The following FYN variants were observed in gnomAD, a reference collection of about 807,000 sequenced individuals.
FYN encodes FYN proto-oncogene, Src family tyrosine kinase.
Under a neutral mutation model 70.2 loss-of-function variants are expected in FYN, and 10 were observed. The ratio of observed to expected loss-of-function variants is 0.14; its 90% CI spans 0.09 to 0.24. The LOEUF is 0.24. Ranked by LOEUF, FYN falls within the 10% of genes least tolerant of loss-of-function variation. FYN has a pLI of 1.00. For missense variants in FYN, 319 were observed against 673.1 expected (o/e 0.47, Z 5.82); for synonymous variants, 236 against 248.6 (o/e 0.95, Z 0.48).
chr6:111,822,111 C>A (rs1233304094), intron 2 of FYN, among the ~76,000 whole-genome samples: 1 of 152,110 alleles, frequency 6.6e-6, no homozygotes, highest in Non-Finnish European at 1.5e-5. Context: ...ACCATTTGAC[C>A]CAGCCATCCC....
intron 3 of FYN, among the ~76,000 whole-genome samples, chr6:111,753,369 T>C (rs551732157): frequency 5.1e-4 from 77 of 152,232 alleles, no homozygotes; most frequent in Non-Finnish European, 9.7e-4. Flanking sequence ...AAGTGAATTA[T>C]AATATTTAAG....
rs142476716 is a variant in FYN, at chr6:111,707,866, T to C, written c.443+56A>G. ...CCTGCCCAATGCTGATGGCATTTTATTGCGGCAATCAACTTTTAAAATCAA... is the reference window on the plus strand; with the variant it reads ...CCTGCCCAATGCTGATGGCATTTTACTGCGGCAATCAACTTTTAAAATCAA... On this transcript the variant is annotated intron_variant, in intron 6 of 13. Transcript: ENST00000354650. The C allele has an allele frequency of 2.0e-4, 276 of 1,347,436 alleles. 3 individuals are homozygous for C. The East Asian group carries it at 5.6e-3, about 27-fold the overall frequency. The allele number at this position is 1,347,436 out of a possible 1,614,324, so 83.5% of individuals were successfully genotyped here. A position where few individuals can be genotyped will look rare whatever the true frequency, so the allele number is the denominator to read the frequency against.
At chr6:111,788,815 T>C (rs1445933254) in intron 2 of FYN, among the ~76,000 whole-genome samples, 1 of 152,112 alleles carries the variant, frequency 6.6e-6, no homozygotes, top group East Asian at 1.9e-4. Context: ...CAGGGTTTCC[T>C]AGGAAACTGA....
At chr6:111,684,179 C>T (rs1463145357) in intron 12 of FYN, among the ~76,000 whole-genome samples, 2 of 152,008 alleles carry the variant, frequency 1.3e-5, no homozygotes, top group East Asian at 1.9e-4. Context: ...GCTGTCCCAC[C>T]GGGGATGTGA....
intron 2 of FYN, among the ~76,000 whole-genome samples, chr6:111,840,190 G>T (rs935352077): frequency 6.6e-6 from 1 of 152,196 alleles, no homozygotes; most frequent in Non-Finnish European, 1.5e-5. Context: ...GGTATGTTAG[G>T]CAGAAAATGC....
intron 3 of FYN, among the ~76,000 whole-genome samples, chr6:111,744,827 A>C (rs769050577): frequency 2.8e-4 from 42 of 152,200 alleles, no homozygotes; most frequent in Non-Finnish European, 5.9e-4. Flanking sequence ...ATCACCTAAC[A>C]ATAAATATGC....
At position 111,804,453 on chromosome 6, in the gene FYN, G is replaced by A. The variant is rs552973304; in HGVS notation, c.-81-23818C>T. On this transcript the variant is annotated intron_variant, in intron 2 of 13. Coordinates refer to ENST00000354650, the MANE Select transcript of FYN (RefSeq NM_002037.5). ...GCATCCCTGTTCCACACAGGAATAG[G>A]ATGCTACATCGCAAAACCAATGAAT... 2.0e-5 allele frequency among the ~76,000 whole-genome samples: 3 copies of A among 152,196 alleles called. 1 individual carries two copies. The highest frequency in any genetic ancestry group is 2.9e-5 in the Non-Finnish European group (2 of 68,038).
Position 111,661,982 on chromosome 6 carries a change from G to A in FYN, c.1406-35C>T, listed in dbSNP as rs1227136056. ...CAAGCGCAGTGAGAGTGGGCACCCC[G>A]GGGATCCAGGCCCTGACCGCCGCAC... On this transcript the variant is annotated intron_variant, in intron 13 of 13. Coordinates refer to ENST00000354650, the MANE Select transcript of FYN (RefSeq NM_002037.5). This position sits in a 1 kb window ranked among gnomAD's most constrained non-coding sequence, Gnocchi z 4.0. 5 of 1,543,196 alleles carry A rather than the reference G, an allele frequency of 3.2e-6. No individual in the cohort carries two copies. Among genetic ancestry groups the A allele is most frequent in the South Asian group, 1.2e-5 (1 of 82,512 alleles).
chr6:111,760,972 T>C (rs1460160231), intron 3 of FYN, among the ~76,000 whole-genome samples: 1 of 152,106 alleles, frequency 6.6e-6, no homozygotes, highest in Non-Finnish European at 1.5e-5. Flanking sequence ...TCCCCTAAGG[T>C]GCAACCAAAT....
intron 3 of FYN, among the ~76,000 whole-genome samples, chr6:111,724,759 A>G (rs1349148009): frequency 1.3e-5 from 2 of 152,230 alleles, no homozygotes; most frequent in Non-Finnish European, 2.9e-5. Flanking sequence ...GACAGCCCTT[A>G]GGCATAATCC....
At chr6:111,705,470 T>C (rs534986983) in intron 6 of FYN, among the ~76,000 whole-genome samples, 1 of 151,866 alleles carries the variant, frequency 6.6e-6, no homozygotes, top group African/African-American at 2.4e-5. Flanking sequence ...ACTGCAGCCT[T>C]GACCTCTCCA....
chr6:111,803,245 C>T (rs905594677), intron 2 of FYN, among the ~76,000 whole-genome samples: 1 of 152,248 alleles, frequency 6.6e-6, no homozygotes, highest in African/African-American at 2.4e-5. Context: ...CTCTGCCCTT[C>T]AGGGGCACTC....
intron 2 of FYN, among the ~76,000 whole-genome samples, chr6:111,812,046 CT>C (rs1231625498): frequency 6.6e-6 from 1 of 152,212 alleles, no homozygotes; most frequent in African/African-American, 2.4e-5. Flanking sequence ...GCTCAAAACA[CT>C]TACATGGAAC....
intron 3 of FYN, among the ~76,000 whole-genome samples, chr6:111,764,484 G>A (rs1307725192): frequency 3.3e-5 from 5 of 152,132 alleles, no homozygotes; most frequent in Non-Finnish European, 5.9e-5. Flanking sequence ...AGAAAAGTGT[G>A]AAACCACACT....
intron 3 of FYN, among the ~76,000 whole-genome samples, chr6:111,742,957 T>A (rs149128514): frequency 1.3e-4 from 20 of 149,568 alleles, no homozygotes; most frequent in Non-Finnish European, 2.7e-4. Context: ...CAAAGGGGCT[T>A]GATAAGAATC....
Position 111,719,792 on chromosome 6 carries a change from T to G in FYN, c.247+13A>C. The G allele has an allele frequency of 6.2e-7, 1 of 1,612,658 alleles. No homozygotes were observed. The highest frequency in any genetic ancestry group is 2.2e-5 in the East Asian group (1 of 44,832). On this transcript the variant is annotated intron_variant, in intron 4 of 13. Coordinates refer to ENST00000354650, the MANE Select transcript of FYN (RefSeq NM_002037.5). ...CTGCCCCCTCTCTGCACTCTGTGAC[T>G]TTGGGGGCTTACCTGTTCCTCCTCT...
chr6:111,836,437 AATTAT>A (rs2114436618), intron 2 of FYN, among the ~76,000 whole-genome samples: 1 of 151,884 alleles, frequency 6.6e-6, no homozygotes, highest in East Asian at 1.9e-4. Context: ...AAAATTTTTA[AATTAT>A]ATTTCCAACA....
intron 2 of FYN, among the ~76,000 whole-genome samples, chr6:111,805,936 TTTC>T (rs1398399794): frequency 6.6e-6 from 1 of 152,210 alleles, no homozygotes; most frequent in Non-Finnish European, 1.5e-5. Flanking sequence ...CTCCAGCGTG[TTTC>T]TGCTTTTCCT....
At chr6:111,844,986 G>A (rs925143463) in intron 2 of FYN, 2 of 152,280 alleles carry the variant, frequency 1.3e-5, no homozygotes, top group African/African-American at 4.8e-5. Flanking sequence ...GGTCTAACAG[G>A]AAGTTAACAG....
Sources: gnomAD v4.1 joint callset for allele counts (sites outside exome capture counted in the v4.1 genomes callset) on GRCh38, gnomAD v4.1.1 for gene constraint, Gnocchi (gnomAD v3.1) non-coding constraint, MANE v1.5 for transcripts, NCBI Gene and HGNC (gene_info 2026-07-23, HGNC 2026-07-21) for gene names.